MAF: variants seen among roughly 807,000 people sequenced by gnomAD.
The protein encoded by MAF is MAF bZIP transcription factor, also known as transcription factor Maf.
Under a neutral mutation model 22.0 loss-of-function variants are expected in MAF, and 10 were observed. The ratio of observed to expected loss-of-function variants is 0.45; its 90% CI spans 0.28 to 0.77. MAF has a LOEUF of 0.77. Among genes scored for constraint, MAF ranks in the 30% least tolerant of loss-of-function variants. MAF has a pLI of 0.12. For synonymous variants in MAF, 337 were observed against 255.8 expected (o/e 1.32, Z -3.03); for missense variants, 544 against 548.4 (o/e 0.99, Z 0.08).
chr16:79,355,156 T>C, the MAF span, among the ~76,000 whole-genome samples: 59 of 152,250 alleles, frequency 3.9e-4, no homozygotes, highest in Non-Finnish European at 7.5e-4. Context: ...TGCAGGATCC[T>C]AGTGAAAACT....
chr16:79,263,377 G>T, the MAF span, among the ~76,000 whole-genome samples: 1 of 152,156 alleles, frequency 6.6e-6, no homozygotes, highest in South Asian at 2.1e-4. Flanking sequence ...GATATGATTT[G>T]ATTTCCATAT....
the MAF span, among the ~76,000 whole-genome samples, chr16:79,552,930 G>C: frequency 6.6e-6 from 1 of 152,304 alleles, no homozygotes; most frequent in African/African-American, 2.4e-5. Flanking sequence ...GTTCAACTTG[G>C]CGGCAATAGC....
the MAF span, among the ~76,000 whole-genome samples, chr16:79,523,621 T>A: frequency 1.3e-5 from 2 of 152,164 alleles, no homozygotes; most frequent in Admixed American, 1.3e-4. Context: ...ACACGAAGAA[T>A]TGCAAGGCGA....
the MAF span, among the ~76,000 whole-genome samples, chr16:79,216,257 GCA>G: frequency 6.6e-6 from 1 of 152,118 alleles, no homozygotes. Flanking sequence ...ATGTATGCAT[GCA>G]CAAATATGTG....
the MAF span, among the ~76,000 whole-genome samples, chr16:79,324,211 G>A: frequency 2.0e-5 from 3 of 152,194 alleles, no homozygotes; most frequent in Admixed American, 2.0e-4. Flanking sequence ...AGGATAAAAT[G>A]AAATGCTGCA....
At chr16:79,329,911 C>T in the MAF span, among the ~76,000 whole-genome samples, 1 of 151,822 alleles carries the variant, frequency 6.6e-6, no homozygotes, top group Non-Finnish European at 1.5e-5. Flanking sequence ...AATATCCATA[C>T]AGCATAAAGA....
the MAF span, among the ~76,000 whole-genome samples, chr16:79,407,956 G>A: frequency 2.0e-5 from 3 of 151,406 alleles, no homozygotes; most frequent in South Asian, 6.3e-4. Context: ...GAGTATCAAG[G>A]ATCCTAAGAG....
chr16:79,571,466 C>T, the MAF span, among the ~76,000 whole-genome samples: 3 of 151,368 alleles, frequency 2.0e-5, no homozygotes, highest in South Asian at 6.2e-4. Context: ...ATTTCCACCA[C>T]TCCATAATTC....
chr16:79,232,706 T>A, the MAF span, among the ~76,000 whole-genome samples: 5 of 152,020 alleles, frequency 3.3e-5, no homozygotes, highest in Non-Finnish European at 5.9e-5. Flanking sequence ...TGATGCCCTA[T>A]GATCTGTGCA....
At chr16:79,471,553 T>A in the MAF span, among the ~76,000 whole-genome samples, 2 of 152,184 alleles carry the variant, frequency 1.3e-5, no homozygotes, top group Non-Finnish European at 2.9e-5. Flanking sequence ...GGTGCACACC[T>A]GTAGTTCCAG....
At chr16:79,511,729 T>C in the MAF span, among the ~76,000 whole-genome samples, 2 of 152,160 alleles carry the variant, frequency 1.3e-5, no homozygotes, top group Admixed American at 6.5e-5. Flanking sequence ...TCCTGTGAGA[T>C]AGGTGAGTCC....
the MAF span, among the ~76,000 whole-genome samples, chr16:79,293,787 A>G: frequency 6.6e-6 from 1 of 152,118 alleles, no homozygotes; most frequent in Admixed American, 6.5e-5. Context: ...AGAAACAAGA[A>G]CCACCTTTTC....
chr16:79,457,679 A>C, the MAF span, among the ~76,000 whole-genome samples: 26,877 of 152,080 alleles, frequency 0.18, 2,644 homozygotes, highest in South Asian at 0.27. Flanking sequence ...CTAGGAAGAC[A>C]TGTTACAGAA....
chr16:79,386,408 G>T, the MAF span, among the ~76,000 whole-genome samples: 2 of 152,038 alleles, frequency 1.3e-5, no homozygotes, highest in Non-Finnish European at 1.5e-5. Flanking sequence ...TCGCAATAGG[G>T]TTCATGCTCC....
the MAF span, among the ~76,000 whole-genome samples, chr16:79,351,170 C>T: frequency 6.6e-6 from 1 of 152,160 alleles, no homozygotes; most frequent in South Asian, 2.1e-4. Context: ...TTCAGTTTCT[C>T]TTTTTGCATT....
the MAF span, among the ~76,000 whole-genome samples, chr16:79,340,379 G>C: frequency 6.6e-6 from 1 of 151,170 alleles, no homozygotes; most frequent in Admixed American, 6.6e-5. Flanking sequence ...GGCTTTTAAA[G>C]CACCTACTTT....
chr16:79,270,418 G>C, the MAF span, among the ~76,000 whole-genome samples: 2 of 152,092 alleles, frequency 1.3e-5, no homozygotes, highest in Non-Finnish European at 2.9e-5. Context: ...AAGGAGAACA[G>C]ATGAAAAGCT....
downstream of MAF, among the ~76,000 whole-genome samples, chr16:79,585,189 A>T (rs1912762010): frequency 6.6e-6 from 1 of 152,218 alleles, no homozygotes; most frequent in South Asian, 2.1e-4. Context: ...TCATAATAAA[A>T]TTCATGCTGG....
the MAF span, among the ~76,000 whole-genome samples, chr16:79,350,227 TG>T: frequency 6.6e-6 from 1 of 152,184 alleles, no homozygotes; most frequent in Non-Finnish European, 1.5e-5. Flanking sequence ...CTATGCTTGT[TG>T]GTGAAATGAG....
Sources: gnomAD v4.1 joint callset for allele counts (sites outside exome capture counted in the v4.1 genomes callset) on GRCh38, gnomAD v4.1.1 for gene constraint, MANE v1.5 for transcripts, NCBI Gene and HGNC (gene_info 2026-07-23, HGNC 2026-07-21) for gene names.